Variants in PTGR1 observed in about 807,000 individuals in gnomAD.
The protein encoded by PTGR1 is 15-oxoprostaglandin 13-reductase.
In PTGR1, 23 loss-of-function variants were observed where a neutral mutation model predicts 37.7. That is an observed-to-expected ratio of 0.61 (90% CI 0.44 to 0.86). The LOEUF is 0.86. Ranked by LOEUF, PTGR1 falls within the 40% of genes least tolerant of loss-of-function variation. The probability of loss-of-function intolerance (pLI) is 0.00; values close to 1 mark genes in which losing one functional copy is unlikely to be tolerated. For synonymous variants in PTGR1, 134 were observed against 140.0 expected (o/e 0.96, Z 0.30); for missense variants, 351 against 394.3 (o/e 0.89, Z 0.93).
downstream of PTGR1, among the ~76,000 whole-genome samples, chr9:111,560,626 G>A (rs1384226950): frequency 1.0e-5 from 1 of 96,542 alleles, no homozygotes; most frequent in Non-Finnish European, 1.8e-5. Context: ...GGGAGACAGA[G>A]ACACCATCTC....
rs778275442 is a variant in PTGR1 at position 111,563,084 on chromosome 9, C to A, written c.*37G>T. 2 of 1,602,758 alleles carry A rather than the reference C, an allele frequency of 1.2e-6. No homozygotes were observed. Among genetic ancestry groups the A allele is most frequent in the Admixed American group, 3.5e-5 (2 of 57,040 alleles). ...AATGGTGAAAAACAAATTAACTAAT[C>A]ATCTAAATGGCCTCCAGATTCCATG... is the stretch of plus-strand genomic sequence containing the variant. On this transcript the variant is annotated 3_prime_UTR_variant, in exon 10 of 10. Transcript: ENST00000407693.
At chr9:111,558,947 C>T (rs143113036), downstream of PTGR1, among the ~76,000 whole-genome samples, 4 of 152,218 alleles carry the variant, frequency 2.6e-5, no homozygotes, top group African/African-American at 9.6e-5. Context: ...CTATCACCAC[C>T]ACTACCCCCT....
At chr9:111,554,639 T>C (rs1828068170) in intron 9 of PTGR1, among the ~76,000 whole-genome samples, 1 of 151,972 alleles carries the variant, frequency 6.6e-6, no homozygotes, top group African/African-American at 2.4e-5. Context: ...ATGGATATGC[T>C]GGACAAAGGG....
rs140662657 is a variant in PTGR1, at chr9:111,586,093, G to A, written c.282C>T (p.His94=). ...IVLASPGWTT[H]SISDGKDLEK... is the part of the protein sequence containing the mutation. Reference sequence around the variant, plus strand: ...CCAGATCTTTCCCATCAGAAATGGAGTGCGTTGTCCAGCCTGGAGAAGCCA... The same window carrying A: ...CCAGATCTTTCCCATCAGAAATGGAATGCGTTGTCCAGCCTGGAGAAGCCA... The change falls in exon 5 of 10, where the codon CAC becomes CAT. Residue 94 remains histidine, a synonymous_variant. Transcript: ENST00000407693. The A allele has an allele frequency of 1.2e-6, 2 of 1,614,172 alleles. No homozygotes were observed. The highest frequency in any genetic ancestry group is 8.5e-7 in the Non-Finnish European group (1 of 1,180,024).
intron 9 of PTGR1, among the ~76,000 whole-genome samples, chr9:111,566,389 G>T (rs979599550): frequency 6.6e-6 from 1 of 152,170 alleles, no homozygotes; most frequent in African/African-American, 2.4e-5. Flanking sequence ...AGCCCAGCCC[G>T]GCACTGCAAG....
At chr9:111,562,040 C>T (rs1828341524), downstream of PTGR1, among the ~76,000 whole-genome samples, 1 of 152,112 alleles carries the variant, frequency 6.6e-6, no homozygotes, top group South Asian at 2.1e-4. Context: ...CACCCGCTAC[C>T]ATGCCCAGCT....
intron 4 of PTGR1, among the ~76,000 whole-genome samples, chr9:111,591,281 G>A (rs1335606676): frequency 6.7e-6 from 1 of 150,074 alleles, no homozygotes; most frequent in Non-Finnish European, 1.5e-5. Flanking sequence ...TGGGCAACAA[G>A]AGTGAGACTC....
At chr9:111,558,681 T>G (rs1006509880), downstream of PTGR1, among the ~76,000 whole-genome samples, 4 of 152,196 alleles carry the variant, frequency 2.6e-5, no homozygotes, top group African/African-American at 9.7e-5. Context: ...GCCCTCTTAG[T>G]GGGCAGAGTT....
intron 9 of PTGR1, among the ~76,000 whole-genome samples, chr9:111,566,028 A>G (rs1266167377): frequency 3.3e-5 from 5 of 151,976 alleles, no homozygotes; most frequent in Non-Finnish European, 7.4e-5. Context: ...CCTGGCCAAC[A>G]TCGTGAAACC....
intron 2 of PTGR1, among the ~76,000 whole-genome samples, chr9:111,596,098 G>A (rs1343566839): frequency 1.3e-5 from 2 of 152,172 alleles, no homozygotes; most frequent in Non-Finnish European, 2.9e-5. Context: ...ATGAAAGCAG[G>A]GGAATCCTGC....
At chr9:111,563,264 A>C in intron 9 of PTGR1, 33 bp from the exon 10 acceptor site, 23 of 1,584,536 alleles carry the variant, frequency 1.5e-5, no homozygotes, top group Non-Finnish European at 1.9e-5. Context: ...TTTAAAACTT[A>C]ATTTAATATT....
At chr9:111,594,384 A>C in intron 2 of PTGR1, 117 bp from the exon 3 acceptor site, 1 of 812,518 alleles carries the variant, frequency 1.2e-6, no homozygotes. Flanking sequence ...GAAACCACCC[A>C]TGAGGTACCA....
At chr9:111,593,212 CTGAT>C (rs1168638992) in intron 3 of PTGR1, among the ~76,000 whole-genome samples, 3 of 152,012 alleles carry the variant, frequency 2.0e-5, no homozygotes, top group African/African-American at 4.8e-5. Context: ...GATAAGCACT[CTGAT>C]TGGATTTTTT....
chr9:111,577,511 T>C (rs1356302973), intron 7 of PTGR1: 5 of 152,130 alleles, frequency 3.3e-5, no homozygotes, highest in Admixed American at 2.6e-4. Context: ...TGCATGAATG[T>C]TCATAGTAAC....
chr9:111,550,180 TC>T (rs1471126921), intron 9 of PTGR1, among the ~76,000 whole-genome samples: 1 of 152,218 alleles, frequency 6.6e-6, no homozygotes, highest in African/African-American at 2.4e-5. Context: ...CCTGCGTTTT[TC>T]CCTGGGCGGG....
At position 111,574,762 on chromosome 9, in the gene PTGR1, T is replaced by C. The variant is rs528897016; in HGVS notation, c.732A>G (p.Thr244=). ...GGGGAAGTGGGCCGGTTCTGTTATA[T>C]GTAGAGATGGCTCCACATATGGCAA... ...GRIAICGAIS[T]YNRTGPLPPG... Residue 244 remains threonine, a synonymous_variant, in exon 8 of 10, where the codon ACA becomes ACG. Transcript: ENST00000407693. The C allele has an allele frequency of 3.7e-6, 6 of 1,613,992 alleles. No homozygotes were observed. The African/African-American group carries it at 4.0e-5, about 11-fold the overall frequency.
chr9:111,565,728 T>C (rs1828533165), intron 9 of PTGR1, among the ~76,000 whole-genome samples: 2 of 152,088 alleles, frequency 1.3e-5, no homozygotes, highest in African/African-American at 4.8e-5. Flanking sequence ...TCTCATTATG[T>C]TGCCAGGGCT....
At chr9:111,595,088 C>T (rs1046572478) in intron 2 of PTGR1, among the ~76,000 whole-genome samples, 4 of 152,010 alleles carry the variant, frequency 2.6e-5, no homozygotes, top group Admixed American at 6.6e-5. Flanking sequence ...CTTCTAACCT[C>T]AAGAGATCTG....
chr9:111,570,063 T>G (rs1292478428), intron 9 of PTGR1, 28 bp downstream of exon 9: 1 of 1,613,380 alleles, frequency 6.2e-7, no homozygotes, highest in African/African-American at 1.3e-5. Flanking sequence ...AGTGTACAAT[T>G]GGAAGGGGTG....
Sources: gnomAD v4.1 joint callset for allele counts (sites outside exome capture counted in the v4.1 genomes callset) on GRCh38, gnomAD v4.1.1 for gene constraint, MANE v1.5 for transcripts, NCBI Gene and HGNC (gene_info 2026-07-23, HGNC 2026-07-21) for gene names.